ZDHHC16: variants seen among roughly 807,000 people sequenced by gnomAD.
ZDHHC16 encodes zDHHC palmitoyltransferase 16.
ZDHHC16 carries 33 observed loss-of-function variants against 54.4 expected under a neutral mutation model. The ratio of observed to expected loss-of-function variants is 0.61; its 90% CI spans 0.46 to 0.81. ZDHHC16 has a LOEUF of 0.81. Ranked by LOEUF, ZDHHC16 falls within the 30% of genes least tolerant of loss-of-function variation. The pLI, the probability that ZDHHC16 is intolerant of heterozygous loss-of-function variation, is 0.00. For missense variants in ZDHHC16, 420 were observed against 485.9 expected (o/e 0.86, Z 1.28); for synonymous variants, 185 against 182.1 (o/e 1.02, Z -0.13).
chr10:97,452,550 G>A (rs1327035801), intron 5 of ZDHHC16, 47 bp downstream of exon 5: 1 of 1,591,624 alleles, frequency 6.3e-7, no homozygotes, highest in East Asian at 2.2e-5. Flanking sequence ...TGGTCCTTCT[G>A]TAGCCCTAGG....
intron 1 of ZDHHC16, among the ~76,000 whole-genome samples, chr10:97,449,861 C>CTTTTTTTTTTTTTTTTTTTT (rs35173837): frequency 2.2e-4 from 18 of 81,530 alleles, no homozygotes; most frequent in African/African-American, 8.2e-4. Context: ...CCCCTTAATT[C>CTTTTTTTTTTTTTTTTTTTT]TTTTTTTTTT....
Position 97,454,699 on chromosome 10 carries a change from G to A in ZDHHC16, c.739-15G>A. On this transcript the variant is annotated splice_polypyrimidine_tract_variant and intron_variant, in intron 8 of 11. Coordinates refer to ENST00000393760, the MANE Select transcript of ZDHHC16 (RefSeq NM_198046.3). Reference sequence around the variant, plus strand: ...ACAGAGCAAATGAGCCAGCTTTGCTGTTTTCTTTTTCTAGACTTATCACCA... The same window carrying A: ...ACAGAGCAAATGAGCCAGCTTTGCTATTTTCTTTTTCTAGACTTATCACCA... 1 of 1,613,568 alleles carries A rather than the reference G, an allele frequency of 6.2e-7. No individual in the cohort carries two copies.
rs879742713 is a variant in ZDHHC16, at chr10:97,453,330, ATGCTCTG to A, written c.557-199_557-193del. On this transcript the variant is annotated intron_variant, in intron 6 of 11. Coordinates refer to ENST00000393760, the MANE Select transcript of ZDHHC16 (RefSeq NM_198046.3). Reference sequence around the variant, plus strand: ...TCCGTGACTTCTTGGTGGGACCTGAATGCTCTGAAAAGCTTTGAGCATTTTCACCTCA... The same window carrying A: ...TCCGTGACTTCTTGGTGGGACCTGAAAAAAGCTTTGAGCATTTTCACCTCA... Among the ~76,000 whole-genome samples the A allele has an allele frequency of 3.3e-4, 51 of 152,268 alleles. 1 individual carries two copies. In the East Asian group the frequency reaches 9.1e-3, roughly 27 times the overall value.
Position 97,446,237 on chromosome 10 carries a change from A to C in ZDHHC16, c.-302A>C. On this transcript the variant is annotated 5_prime_UTR_variant, in exon 1 of 12. It removes an upstream start codon present in the reference 5' UTR. Coordinates refer to ENST00000393760, the MANE Select transcript of ZDHHC16 (RefSeq NM_198046.3). ...TGCCTGGCGCTGCGGGCGGCGGGCC[A>C]TGGTGGTTTGGATTGAGCCGGGCCC... The C allele has an allele frequency of 1.7e-6, 1 of 602,178 alleles. No individual in the cohort carries two copies. Among genetic ancestry groups the C allele is most frequent in the Non-Finnish European group, 2.9e-6 (1 of 341,400 alleles). 37.3% of individuals were successfully genotyped at this position (602,178 alleles called of 1,614,324 possible).
At position 97,452,209 on chromosome 10, in the gene ZDHHC16, T is replaced by C; in HGVS notation, c.363T>C (p.Tyr121=). The C allele has an allele frequency of 6.2e-7, 1 of 1,614,148 alleles. No individual in the cohort carries two copies. Among genetic ancestry groups the C allele is most frequent in the Non-Finnish European group, 8.5e-7 (1 of 1,180,030 alleles). Residue 121 remains tyrosine, a synonymous_variant, in exon 4 of 12, where the codon TAT becomes TAC. Coordinates refer to ENST00000393760, the MANE Select transcript of ZDHHC16 (RefSeq NM_198046.3). ...CACGACTCTGCTGGCATTTCTTCTA[T>C]AGCCACTGGAATCTGATCCTGATTG... ...SVPRLCWHFF[Y]SHWNLILIVF... is the part of the protein sequence containing the mutation.
Position 97,455,716 on chromosome 10 carries a change from G to A in ZDHHC16, c.881G>A (p.Arg294Gln), listed in dbSNP as rs772486226. 9.9e-6 allele frequency: 16 copies of A among 1,614,038 alleles called. No individual in the cohort carries two copies. Among genetic ancestry groups the A allele is most frequent in the Admixed American group, 5.0e-5 (3 of 59,986 alleles). Residue 294 changes from arginine (R) to glutamine (Q), a missense_variant, in exon 10 of 12, where the codon CGA (arginine) becomes CAA (glutamine). Transcript: ENST00000393760. ...LTVWHAVLIS[R>Q]GETSIERHIN... ...GTATGGCATGCTGTTCTCATCAGTC[G>A]AGGTGAGACTAGCATCGAAAGGCAC...
intron 3 of ZDHHC16, 72 bp downstream of exon 3, chr10:97,451,990 C>A: frequency 1.3e-6 from 2 of 1,593,066 alleles, no homozygotes; most frequent in South Asian, 1.1e-5. Context: ...ACAGACCCAA[C>A]CCAGGTTTTG....
At position 97,452,652 on chromosome 10, in the gene ZDHHC16, G is replaced by C; in HGVS notation, c.527+149G>C. 10 of 1,016,174 alleles carry C rather than the reference G, an allele frequency of 9.8e-6. No individual in the cohort carries two copies. In the South Asian group the frequency reaches 1.6e-4, roughly 16 times the overall value. 62.9% of individuals were successfully genotyped at this position (1,016,174 alleles called of 1,614,324 possible). A position where few individuals can be genotyped will look rare whatever the true frequency, so the allele number is the denominator to read the frequency against. The stretch of plus-strand genomic sequence containing the variant: ...CTCTTCTCCTGACACCTCATCCTTA[G>C]GATGGTCCTGTGAGTTAGGCATTAT... On this transcript the variant is annotated intron_variant, in intron 5 of 11. Coordinates refer to ENST00000393760, the MANE Select transcript of ZDHHC16 (RefSeq NM_198046.3).
chr10:97,457,065 C>T lies in ZDHHC16; in HGVS notation c.*174C>T. 2 of 436,888 alleles carry T rather than the reference C, an allele frequency of 4.6e-6. No individual in the cohort carries two copies. The highest frequency in any genetic ancestry group is 6.1e-4 in the Middle Eastern group (1 of 1,632). The allele number at this position is 436,888 out of a possible 1,614,324, so 27.1% of individuals were successfully genotyped here. A position where few individuals can be genotyped will look rare whatever the true frequency, so the allele number is the denominator to read the frequency against. ...CCTTTTTACCACTGCAGAAGAAAGACACAATGTGGAGAAATCTTAGGACTG... is the reference window on the plus strand; with the variant it reads ...CCTTTTTACCACTGCAGAAGAAAGATACAATGTGGAGAAATCTTAGGACTG... On this transcript the variant is annotated 3_prime_UTR_variant, in exon 12 of 12. Transcript: ENST00000393760.
chr10:97,447,251 CT>C (rs1239225266), intron 1 of ZDHHC16, among the ~76,000 whole-genome samples: 1 of 152,230 alleles, frequency 6.6e-6, no homozygotes, highest in Non-Finnish European at 1.5e-5. Context: ...TGGGTATCTC[CT>C]ACTTGAGATT....
intron 1 of ZDHHC16, among the ~76,000 whole-genome samples, chr10:97,447,048 T>C (rs1846131208): frequency 6.6e-6 from 1 of 152,196 alleles, no homozygotes; most frequent in African/African-American, 2.4e-5. Flanking sequence ...AGTCCTGCGG[T>C]CCGATCCTCT....
intron 1 of ZDHHC16, among the ~76,000 whole-genome samples, chr10:97,448,706 C>T (rs7923913): frequency 0.36 from 54,305 of 151,962 alleles, 10,298 homozygotes; most frequent in Non-Finnish European, 0.43. Context: ...TGCAGTGAGC[C>T]GAGATCTTGC....
intron 1 of ZDHHC16, among the ~76,000 whole-genome samples, chr10:97,449,537 A>T (rs1330373153): frequency 6.6e-6 from 1 of 152,090 alleles, no homozygotes; most frequent in South Asian, 2.1e-4. Context: ...GTGAGCTTTT[A>T]ATTTTTTTTG....
intron 11 of ZDHHC16, chr10:97,456,491 A>C (rs563116080): frequency 2.5e-5 from 8 of 322,336 alleles, no homozygotes; most frequent in African/African-American, 1.1e-4. Context: ...TAACAATCAG[A>C]TGAACAGACG....
chr10:97,456,047 A>G lies in ZDHHC16; in HGVS notation c.1019+3A>G. The G allele has an allele frequency of 3.1e-6, 5 of 1,614,038 alleles. No individual in the cohort carries two copies. Among genetic ancestry groups the G allele is most frequent in the Non-Finnish European group, 3.4e-6 (4 of 1,179,922 alleles). On this transcript the variant is annotated splice_donor_region_variant and intron_variant, in intron 11 of 11. Transcript: ENST00000393760. ...TTCCTGGGTGTGGATACAGGAAGGT[A>G]ATGTAAGACACACAGACTAATGCTG...
At chr10:97,453,977 T>C in intron 8 of ZDHHC16, 131 bp downstream of exon 8, 1 of 1,237,278 alleles carries the variant, frequency 8.1e-7, no homozygotes, top group Non-Finnish European at 1.1e-6. Context: ...AGATCAGGAG[T>C]GTTCAGGCAG....
In ZDHHC16 at chr10:97,457,271, C is replaced by T. The variant is rs539930531; in HGVS notation, c.*380C>T. The T allele has an allele frequency of 4.5e-5, 7 of 156,090 alleles. No individual in the cohort carries two copies. Among genetic ancestry groups the T allele is most frequent in the Non-Finnish European group, 8.5e-5 (6 of 70,726 alleles). The allele number at this position is 156,090 out of a possible 1,614,324, so 9.7% of individuals were successfully genotyped here. A position where few individuals can be genotyped will look rare whatever the true frequency, so the allele number is the denominator to read the frequency against. ...ACTAGTACAGCTGAGATCTTGGCTT[C>T]TCAACAGGGCAAAGATACCAGGCCT... On this transcript the variant is annotated 3_prime_UTR_variant, in exon 12 of 12. Coordinates refer to ENST00000393760, the MANE Select transcript of ZDHHC16 (RefSeq NM_198046.3).
rs918144078 is a variant in ZDHHC16 at position 97,456,959 on chromosome 10, G to A, written c.*68G>A. 1 of 1,302,922 alleles carries A rather than the reference G, an allele frequency of 7.7e-7. No homozygotes were observed. The highest frequency in any genetic ancestry group is 1.0e-6 in the Non-Finnish European group (1 of 959,348). The allele number at this position is 1,302,922 out of a possible 1,614,324, so 80.7% of individuals were successfully genotyped here. A position where few individuals can be genotyped will look rare whatever the true frequency, so the allele number is the denominator to read the frequency against. ...CTATGTTATTTCAAGGGCCTCCAAG[G>A]GCAGCTTTTCTCAGAATCCTTGATC... is the stretch of plus-strand genomic sequence containing the variant. On this transcript the variant is annotated 3_prime_UTR_variant, in exon 12 of 12. Transcript: ENST00000393760.
intron 5 of ZDHHC16, 128 bp downstream of exon 5, chr10:97,452,631 T>C (rs748602037): frequency 6.6e-6 from 7 of 1,067,164 alleles, no homozygotes; most frequent in Non-Finnish European, 9.5e-6. Context: ...TGTGCCCTCT[T>C]CTCCTGACAC....
Sources: gnomAD v4.1 joint callset for allele counts (sites outside exome capture counted in the v4.1 genomes callset) on GRCh38, gnomAD v4.1.1 for gene constraint, MANE v1.5 for transcripts, NCBI Gene and HGNC (gene_info 2026-07-23, HGNC 2026-07-21) for gene names.